The following ARHGAP40 variants were observed in gnomAD, a reference collection of about 807,000 sequenced individuals.
ARHGAP40 encodes rho GTPase-activating protein 40.
Under a neutral mutation model 73.5 loss-of-function variants are expected in ARHGAP40, and 43 were observed. That is an observed-to-expected ratio of 0.58 (90% CI 0.46 to 0.75). The LOEUF is 0.75. Among genes scored for constraint, ARHGAP40 ranks in the 30% least tolerant of loss-of-function variants. The probability of loss-of-function intolerance (pLI) is 0.00; values close to 1 mark genes in which losing one functional copy is unlikely to be tolerated. For synonymous variants in ARHGAP40, 300 were observed against 352.8 expected, an observed-to-expected ratio of 0.85 and a Z score of 1.68; for missense variants, 734 against 861.8, an observed-to-expected ratio of 0.85 and a Z score of 1.86.
At chr20:38,617,757 A>T (rs112966002) in intron 1 of ARHGAP40, among the ~76,000 whole-genome samples, 3,609 of 152,294 alleles carry the variant, frequency 0.024, 70 homozygotes, top group Non-Finnish European at 0.041. Flanking sequence ...CTGGCTGGGC[A>T]GTCTTGGGTG....
At chr20:38,628,004 G>A (rs1020006871) in intron 3 of ARHGAP40, among the ~76,000 whole-genome samples, 4 of 152,220 alleles carry the variant, frequency 2.6e-5, no homozygotes, top group South Asian at 4.1e-4. Context: ...ATACAGTGGC[G>A]TGACTGCTGC....
At chr20:38,602,574 C>G (rs184642928) in intron 1 of ARHGAP40, among the ~76,000 whole-genome samples, 13 of 152,302 alleles carry the variant, frequency 8.5e-5, no homozygotes, top group Non-Finnish European at 1.8e-4. Context: ...TTCCCCCACT[C>G]TGATTACATC....
At chr20:38,602,034 G>T (rs1181464029) in exon 1 of ARHGAP40, 6 of 1,287,350 alleles carry the variant, frequency 4.7e-6, no homozygotes, top group East Asian at 1.1e-4. Flanking sequence ...CCGCGGGCCC[G>T]CATTGCCAGG....
intron 6 of ARHGAP40, 72 bp downstream of exon 6, chr20:38,634,857 G>T: frequency 8.6e-7 from 1 of 1,168,584 alleles, no homozygotes; most frequent in Non-Finnish European, 1.1e-6. Flanking sequence ...GACTCTCCCA[G>T]CAAGAGATGC....
At position 38,607,627 on chromosome 20, in the gene ARHGAP40, C is replaced by G. The variant is rs2088779081; in HGVS notation, c.137+5548C>G. On this transcript the variant is annotated intron_variant, in intron 1 of 14. Transcript: ENST00000373345. ...TGCCGCCCTTCACAACCCTGGGGTC[C>G]TCACCCTGCCTGCAATGTGGAGGCC... is the stretch of plus-strand genomic sequence containing the variant. 3.3e-5 allele frequency among the ~76,000 whole-genome samples: 5 copies of G among 152,286 alleles called. No homozygotes were observed. In the South Asian group the frequency reaches 1.0e-3, roughly 32 times the overall value.
exon 15 of ARHGAP40, chr20:38,650,101 G>A: frequency 2.8e-6 from 1 of 360,224 alleles, no homozygotes; most frequent in South Asian, 2.1e-5. Flanking sequence ...AGCCCTGGAA[G>A]AACTGGACAG....
Position 38,639,986 on chromosome 20 carries a change from C to T in ARHGAP40, c.1279+600C>T, listed in dbSNP as rs542557856. 6.6e-5 allele frequency among the ~76,000 whole-genome samples: 10 copies of T among 152,330 alleles called. No individual in the cohort carries two copies. The South Asian group carries it at 1.9e-3, about 28-fold the overall frequency. ...CTGAATTCTCCAAAAAGCTCCAAGG[C>T]TCAGGCAGTCTGATTTCTACCCCCA... On this transcript the variant is annotated intron_variant, in intron 9 of 14. Transcript: ENST00000373345.
chr20:38,610,895 CT>C lies in ARHGAP40; in HGVS notation c.137+8830del, dbSNP rs1409196101. 9.5e-3 allele frequency among the ~76,000 whole-genome samples: 999 copies of C among 105,632 alleles called. 9 individuals are homozygous for C. Among genetic ancestry groups the C allele is most frequent in the Non-Finnish European group, 0.016 (756 of 47,204 alleles). The allele number at this position is 105,632 out of a possible 152,430, so 69.3% of individuals were successfully genotyped here. A position where few individuals can be genotyped will look rare whatever the true frequency, so the allele number is the denominator to read the frequency against. ...TGTGATGTCTTTTCTTTTTTTTTTT[CT>C]TTTTTTTTTTTTTGACAGAGTCTTG... On this transcript the variant is annotated intron_variant, in intron 1 of 14. Transcript: ENST00000373345.
chr20:38,625,579 C>A (rs182870127), intron 2 of ARHGAP40, among the ~76,000 whole-genome samples: 1 of 152,054 alleles, frequency 6.6e-6, no homozygotes, highest in Non-Finnish European at 1.5e-5. Flanking sequence ...CCACCACACC[C>A]GTCTAATTTT....
intron 7 of ARHGAP40, among the ~76,000 whole-genome samples, chr20:38,638,437 G>A (rs547667305): frequency 6.6e-6 from 1 of 152,262 alleles, no homozygotes; most frequent in African/African-American, 2.4e-5. Flanking sequence ...CCTTGGGGTG[G>A]ATTTTCTTTT....
chr20:38,647,982 C>T (rs1227027059), intron 13 of ARHGAP40, among the ~76,000 whole-genome samples: 1 of 152,292 alleles, frequency 6.6e-6, no homozygotes, highest in Admixed American at 6.5e-5. Flanking sequence ...GGAAGAAGGT[C>T]GGGGGCTGAT....
chr20:38,641,948 T>C, intron 10 of ARHGAP40, 140 bp downstream of exon 10: 1 of 584,352 alleles, frequency 1.7e-6, no homozygotes, highest in Non-Finnish European at 2.5e-6. Context: ...CACACAAACC[T>C]CTCTTGAGAC....
chr20:38,650,149 G>A (rs2089080482), exon 15 of ARHGAP40: 6 of 364,390 alleles, frequency 1.6e-5, no homozygotes, highest in South Asian at 8.3e-5. Flanking sequence ...TGTTTTAACC[G>A]TGCACACAAT....
At chr20:38,641,627 C>A (rs1347642754) in intron 9 of ARHGAP40, 99 bp from the exon 10 acceptor site, 1 of 865,076 alleles carries the variant, frequency 1.2e-6, no homozygotes, top group Non-Finnish European at 1.6e-6. Context: ...CTGGCTGTCC[C>A]CTGGCTTTCC....
At chr20:38,614,203 A>T (rs2088820887) in intron 1 of ARHGAP40, among the ~76,000 whole-genome samples, 1 of 152,182 alleles carries the variant, frequency 6.6e-6, no homozygotes, top group Admixed American at 6.5e-5. Flanking sequence ...GGCATGAAGA[A>T]TCCAGACCTC....
At chr20:38,645,267 T>C (rs220529) in intron 11 of ARHGAP40, among the ~76,000 whole-genome samples, 98,990 of 151,924 alleles carry the variant, frequency 0.65, 33,388 homozygotes, top group African/African-American at 0.84. Flanking sequence ...ACACCCCTTA[T>C]ACCCCCATAG....
intron 1 of ARHGAP40, among the ~76,000 whole-genome samples, chr20:38,604,859 TTTAAA>T (rs1369181038): frequency 5.3e-5 from 8 of 152,200 alleles, no homozygotes; most frequent in Non-Finnish European, 7.3e-5. Context: ...CAGTAAATGC[TTTAAA>T]TTAAACTTAT....
exon 11 of ARHGAP40, chr20:38,643,802 G>A (rs1193457349): frequency 1.5e-6 from 2 of 1,305,586 alleles, no homozygotes; most frequent in Non-Finnish European, 2.0e-6. Context: ...ACCTCTTTCT[G>A]CACCAAGGGC....
intron 5 of ARHGAP40, among the ~76,000 whole-genome samples, chr20:38,630,115 TTC>T (rs1484977609): frequency 3.5e-5 from 5 of 144,740 alleles, no homozygotes; most frequent in Admixed American, 2.8e-4. Flanking sequence ...TTTCTTTTCT[TTC>T]TCTTTCTTTC....
Sources: gnomAD v4.1 joint callset for allele counts (sites outside exome capture counted in the v4.1 genomes callset) on GRCh38, gnomAD v4.1.1 for gene constraint, MANE v1.5 for transcripts, NCBI Gene and HGNC (gene_info 2026-07-23, HGNC 2026-07-21) for gene names.